The following MYRIP variants were observed in gnomAD, a reference collection of about 807,000 sequenced individuals.
The protein encoded by MYRIP is rab effector MyRIP.
In MYRIP, 49 loss-of-function variants were observed where a neutral mutation model predicts 98.0. That is an observed-to-expected ratio of 0.50 (90% confidence interval 0.40 to 0.63). The LOEUF is 0.63. Ranked by LOEUF, MYRIP falls within the 30% of genes least tolerant of loss-of-function variation. MYRIP has a pLI of 0.00. For synonymous variants in MYRIP, 404 were observed against 409.5 expected, an observed-to-expected ratio of 0.99 and a Z score of 0.16; for missense variants, 1,004 against 1,058.2, an observed-to-expected ratio of 0.95 and a Z score of 0.71.
At chr3:39,991,011 C>T (rs1426009535) in intron 2 of MYRIP, among the ~76,000 whole-genome samples, 1 of 152,084 alleles carries the variant, frequency 6.6e-6, no homozygotes, top group Admixed American at 6.5e-5. Context: ...GAGTGTGGGG[C>T]TACGGGAGGG....
At chr3:39,969,617 A>G (rs1477522166) in intron 2 of MYRIP, among the ~76,000 whole-genome samples, 1 of 152,150 alleles carries the variant, frequency 6.6e-6, no homozygotes, top group Non-Finnish European at 1.5e-5. Flanking sequence ...TATGTGATGA[A>G]TCACATGTAA....
rs1391656153 is a variant in MYRIP at position 40,257,478 on chromosome 3, A to G, written c.2548-656A>G. ...TGGTGATGACCTTGAGCAGTAGGAT[A>G]TAAATAACTCTCATATGCTTAGCAT... On this transcript the variant is annotated intron_variant, in intron 16 of 16. Transcript: ENST00000302541. Among the ~76,000 whole-genome samples the G allele has an allele frequency of 2.6e-5, 4 of 152,236 alleles. No homozygotes were observed. In the East Asian group the frequency reaches 7.7e-4, roughly 29 times the overall value.
intron 1 of MYRIP, among the ~76,000 whole-genome samples, chr3:39,816,362 G>A (rs942448608): frequency 3.3e-5 from 5 of 152,164 alleles, no homozygotes; most frequent in Non-Finnish European, 4.4e-5. Flanking sequence ...GATTACAGGC[G>A]TGAGCCACCG....
chr3:39,887,398 G>C lies in MYRIP; in HGVS notation c.-30-13389G>C, dbSNP rs1012981325. 3.9e-4 allele frequency among the ~76,000 whole-genome samples: 60 copies of C among 152,240 alleles called. 3 individuals carry two copies. Among genetic ancestry groups the C allele is most frequent in the African/African-American group, 1.4e-3 (60 of 41,546 alleles). On this transcript the variant is annotated intron_variant, in intron 1 of 16. Coordinates refer to ENST00000302541, the MANE Select transcript of MYRIP (RefSeq NM_015460.4). ...ACCATTCAAAAAATTAAGGAATCCA[G>C]GAGCTGGTTTTTTGAAAGGATCAAC... is the stretch of plus-strand genomic sequence containing the variant.
At chr3:40,166,973 G>A (rs781371131) in intron 6 of MYRIP, 30 bp downstream of exon 6, 14 of 1,552,796 alleles carry the variant, frequency 9.0e-6, no homozygotes, top group Non-Finnish European at 1.2e-5. Context: ...TCTCTGTGGG[G>A]GGAGGTGTGG....
At chr3:39,921,402 T>C (rs771686497) in intron 2 of MYRIP, among the ~76,000 whole-genome samples, 1 of 152,192 alleles carries the variant, frequency 6.6e-6, no homozygotes, top group Non-Finnish European at 1.5e-5. Context: ...CTCCCCTAAC[T>C]GTTTTCAAGG....
At chr3:39,863,746 T>C (rs748464831) in intron 1 of MYRIP, among the ~76,000 whole-genome samples, 4 of 151,926 alleles carry the variant, frequency 2.6e-5, no homozygotes, top group Non-Finnish European at 4.4e-5. Flanking sequence ...AACGAACAAC[T>C]GGTACTATTC....
intron 8 of MYRIP, among the ~76,000 whole-genome samples, chr3:40,177,625 G>T (rs760328333): frequency 2.6e-5 from 4 of 152,146 alleles, no homozygotes; most frequent in Admixed American, 1.3e-4. Flanking sequence ...CTCATTGTGC[G>T]CTCTCTGCCA....
At chr3:39,813,729 A>G (rs1193851294) in intron 1 of MYRIP, among the ~76,000 whole-genome samples, 4 of 152,238 alleles carry the variant, frequency 2.6e-5, no homozygotes, top group African/African-American at 9.6e-5. Context: ...AAGTGTAAGT[A>G]TGGAATTGCT....
intron 2 of MYRIP, among the ~76,000 whole-genome samples, chr3:40,026,815 A>G (rs1947141722): frequency 6.6e-6 from 1 of 150,966 alleles, no homozygotes; most frequent in Admixed American, 6.6e-5. Context: ...ATAGCCATCC[A>G]CTCTCCCCTT....
chr3:39,958,692 A>G (rs997867116), intron 2 of MYRIP, among the ~76,000 whole-genome samples: 1 of 152,226 alleles, frequency 6.6e-6, no homozygotes, highest in Non-Finnish European at 1.5e-5. Context: ...ATCTAATTAA[A>G]CTAAAGAGCT....
At chr3:39,941,767 T>G (rs2125709846) in intron 2 of MYRIP, among the ~76,000 whole-genome samples, 1 of 152,250 alleles carries the variant, frequency 6.6e-6, no homozygotes, top group East Asian at 1.9e-4. Flanking sequence ...TTATGATTTT[T>G]TATAACATAA....
At chr3:40,182,592 T>G (rs1950910864) in intron 9 of MYRIP, among the ~76,000 whole-genome samples, 1 of 152,188 alleles carries the variant, frequency 6.6e-6, no homozygotes, top group African/African-American at 2.4e-5. Flanking sequence ...TCTGGCAGAA[T>G]GAAGGCTCTT....
At chr3:39,879,154 T>G (rs768936839) in intron 1 of MYRIP, among the ~76,000 whole-genome samples, 12 of 151,560 alleles carry the variant, frequency 7.9e-5, no homozygotes, top group Non-Finnish European at 1.6e-4. Context: ...TTGTGTATTT[T>G]ATTCTTTGAG....
rs576958408 is a variant in MYRIP, at chr3:40,152,976, A to G, written c.469+1792A>G. 5.0e-4 allele frequency among the ~76,000 whole-genome samples: 76 copies of G among 151,832 alleles called. 1 individual carries two copies. The highest frequency in any genetic ancestry group is 2.1e-3 in the South Asian group (10 of 4,792). Reference sequence around the variant, plus strand: ...TACCAAAAAAAAAAAAAAATTAGTCAGATGTGGTGGCATGCACCTGTCCTT... The same window carrying G: ...TACCAAAAAAAAAAAAAAATTAGTCGGATGTGGTGGCATGCACCTGTCCTT... On this transcript the variant is annotated intron_variant, in intron 4 of 16. Coordinates refer to ENST00000302541, the MANE Select transcript of MYRIP (RefSeq NM_015460.4).
intron 2 of MYRIP, among the ~76,000 whole-genome samples, chr3:39,958,310 G>A (rs1374167257): frequency 6.6e-6 from 1 of 152,128 alleles, no homozygotes; most frequent in African/African-American, 2.4e-5. Context: ...AAAACAGCAT[G>A]GTACTGGTAC....
At chr3:40,149,900 T>TG (rs1339847297) in intron 3 of MYRIP, among the ~76,000 whole-genome samples, 1 of 152,184 alleles carries the variant, frequency 6.6e-6, no homozygotes, top group Non-Finnish European at 1.5e-5. Flanking sequence ...CAACTAAATG[T>TG]GGGATTGTTC....
chr3:39,841,424 G>C (rs1451490523), intron 1 of MYRIP, among the ~76,000 whole-genome samples: 3 of 152,096 alleles, frequency 2.0e-5, no homozygotes, highest in Non-Finnish European at 2.9e-5. Flanking sequence ...GGAGGAGTTT[G>C]TTATTACCCA....
intron 4 of MYRIP, among the ~76,000 whole-genome samples, chr3:40,152,929 C>T (rs1950149479): frequency 7.0e-6 from 1 of 143,728 alleles, no homozygotes; most frequent in African/African-American, 2.6e-5. Flanking sequence ...CCAGCCTGGG[C>T]AGCATAGCAC....
Sources: allele counts gnomAD v4.1 joint callset (sites outside exome capture counted in the v4.1 genomes callset), GRCh38; gene constraint gnomAD v4.1.1; transcripts MANE v1.5; gene names NCBI Gene and HGNC (gene_info 2026-07-23, HGNC 2026-07-21).